The following MAP3K13 variants were observed in gnomAD, a reference collection of about 807,000 sequenced individuals.
MAP3K13 encodes mitogen-activated protein kinase kinase kinase 13.
Under a neutral mutation model 104.0 loss-of-function variants are expected in MAP3K13, and 52 were observed. The observed-to-expected ratio is 0.50, with a 90% confidence interval of 0.40 to 0.63. The LOEUF (loss-of-function observed/expected upper bound fraction) is 0.63. Among genes scored for constraint, MAP3K13 ranks in the 20% least tolerant of loss-of-function variants. MAP3K13 has a pLI of 0.00. For missense variants in MAP3K13, 914 were observed against 1,218.5 expected, an observed-to-expected ratio of 0.75 and a Z score of 3.72; for synonymous variants, 394 against 442.2, an observed-to-expected ratio of 0.89 and a Z score of 1.37.
intron 2 of MAP3K13, among the ~76,000 whole-genome samples, chr3:185,432,024 C>G (rs1181916962): frequency 6.6e-6 from 1 of 152,106 alleles, no homozygotes; most frequent in Non-Finnish European, 1.5e-5. Flanking sequence ...CCTCCACCCC[C>G]TGGCCCCCAT....
chr3:185,460,737 C>T (rs892638838), intron 7 of MAP3K13, among the ~76,000 whole-genome samples: 1 of 152,196 alleles, frequency 6.6e-6, no homozygotes, highest in Non-Finnish European at 1.5e-5. Flanking sequence ...TTTTCCCATA[C>T]GTCCTTTTTT....
chr3:185,437,694 A>C (rs2304815), intron 3 of MAP3K13, 64 bp downstream of exon 3: 241,010 of 1,429,188 alleles, frequency 0.17, 21,574 homozygotes, highest in South Asian at 0.25. Context: ...ATATACACAC[A>C]AGTTTCTGCT....
intron 2 of MAP3K13, among the ~76,000 whole-genome samples, chr3:185,293,798 C>T (rs962079539): frequency 1.3e-5 from 2 of 152,098 alleles, no homozygotes; most frequent in African/African-American, 4.8e-5. Context: ...GGAGACTCAG[C>T]ATTTTTTTTC....
chr3:185,417,573 T>G, intron 1 of MAP3K13: 1 of 1,609,898 alleles, frequency 6.2e-7, no homozygotes, highest in Non-Finnish European at 8.5e-7. Flanking sequence ...TCTTGGTAGC[T>G]GCTGCCTTTT....
intron 7 of MAP3K13, 185 bp downstream of exon 7, chr3:185,451,580 A>G (rs930255117): frequency 2.1e-6 from 1 of 475,344 alleles, no homozygotes; most frequent in African/African-American, 2.0e-5. Flanking sequence ...ACTTAACATT[A>G]TTATTAACTC....
intron 2 of MAP3K13, among the ~76,000 whole-genome samples, chr3:185,320,620 C>T (rs1047050243): frequency 6.6e-6 from 1 of 152,186 alleles, no homozygotes; most frequent in Non-Finnish European, 1.5e-5. Context: ...GACATTACCT[C>T]CACGGTTACC....
At chr3:185,372,655 C>A (rs1339012381) in intron 1 of MAP3K13, among the ~76,000 whole-genome samples, 1 of 152,072 alleles carries the variant, frequency 6.6e-6, no homozygotes, top group Non-Finnish European at 1.5e-5. Context: ...CCTTTGATAC[C>A]AGATTTTGTT....
rs527308791 is a variant in MAP3K13, at chr3:185,443,200, A to G, written c.660-245A>G. Among the ~76,000 whole-genome samples, 4 of 152,292 alleles carry G rather than the reference A, an allele frequency of 2.6e-5. No homozygotes were observed. The East Asian group carries it at 7.7e-4, about 29-fold the overall frequency. ...AATGGAAGGGTCCCACAGAAAAGGC[A>G]CCAGACACAGCACAGCATATAGATA... On this transcript the variant is annotated intron_variant, in intron 3 of 13. Coordinates refer to ENST00000265026, the MANE Select transcript of MAP3K13 (RefSeq NM_004721.5).
rs1226071223 is a variant in MAP3K13 at position 185,454,441 on chromosome 3, GATAT to G, written c.1278+3053_1278+3056del. Among the ~76,000 whole-genome samples the G allele has an allele frequency of 1.2e-4, 7 of 58,598 alleles. 1 individual carries two copies. The highest frequency in any genetic ancestry group is 4.3e-4 in the African/African-American group (7 of 16,422). 38.4% of individuals were successfully genotyped at this position (58,598 alleles called of 152,430 possible). A position where few individuals can be genotyped will look rare whatever the true frequency, so the allele number is the denominator to read the frequency against. On this transcript the variant is annotated intron_variant, in intron 7 of 13. Coordinates refer to ENST00000265026, the MANE Select transcript of MAP3K13 (RefSeq NM_004721.5). The stretch of plus-strand genomic sequence containing the variant: ...TATGAGATATATATGATATATATGA[GATAT>G]ATATATGAGATATATATGATATATA...
chr3:185,479,902 A>G (rs1187120146), intron 12 of MAP3K13, among the ~76,000 whole-genome samples: 2 of 152,142 alleles, frequency 1.3e-5, no homozygotes, highest in Non-Finnish European at 2.9e-5. Flanking sequence ...GAATGGAGAG[A>G]ATCTCTTCCT....
In MAP3K13 at chr3:185,431,204, C is replaced by T. The variant is rs1266203448; in HGVS notation, c.475+2148C>T. Among the ~76,000 whole-genome samples the T allele has an allele frequency of 2.6e-5, 4 of 152,280 alleles. No individual in the cohort carries two copies. The East Asian group carries it at 5.8e-4, about 22-fold the overall frequency. ...ATTCGAGATGAGATTTGGGTGGGAA[C>T]ACAGAGCCAAACTATATCACATATT... On this transcript the variant is annotated intron_variant, in intron 2 of 13. Coordinates refer to ENST00000265026, the MANE Select transcript of MAP3K13 (RefSeq NM_004721.5).
chr3:185,289,341 CT>C (rs1170388960), intron 2 of MAP3K13, among the ~76,000 whole-genome samples: 2 of 151,980 alleles, frequency 1.3e-5, no homozygotes, highest in Non-Finnish European at 2.9e-5. Context: ...ATCCTAAAAA[CT>C]TTTTTATAGT....
At chr3:185,299,190 G>A (rs189893306) in intron 2 of MAP3K13, among the ~76,000 whole-genome samples, 22 of 152,322 alleles carry the variant, frequency 1.4e-4, no homozygotes, top group African/African-American at 5.1e-4. Flanking sequence ...CAGATGAACT[G>A]AAATTCCAAA....
At chr3:185,364,844 ATAACATT>A (rs1477182197) in intron 1 of MAP3K13, among the ~76,000 whole-genome samples, 1 of 152,216 alleles carries the variant, frequency 6.6e-6, no homozygotes, top group Non-Finnish European at 1.5e-5. Context: ...AACAAATGAG[ATAACATT>A]TTAGACATAA....
chr3:185,334,313 T>A (rs1353683815), intron 2 of MAP3K13, among the ~76,000 whole-genome samples: 1 of 152,198 alleles, frequency 6.6e-6, no homozygotes, highest in Non-Finnish European at 1.5e-5. Flanking sequence ...TGACAAGCTA[T>A]TTCTAAATTT....
chr3:185,418,920 A>C lies in MAP3K13; in HGVS notation c.-85-9577A>C, dbSNP rs1713963815. On this transcript the variant is annotated intron_variant, in intron 1 of 13. Coordinates refer to ENST00000265026, the MANE Select transcript of MAP3K13 (RefSeq NM_004721.5). The surrounding 1 kb of genome is among the most constrained non-coding windows in gnomAD (Gnocchi z 4.5). ...TTTTCTAGAATCAAATGTGAATCTC[A>C]TTAGTAGAAAAGGTAAAAACAAAAT... is the stretch of plus-strand genomic sequence containing the variant. 7 of 929,744 alleles carry C rather than the reference A, an allele frequency of 7.5e-6. No homozygotes were observed. The highest frequency in any genetic ancestry group is 3.3e-5 in the African/African-American group (2 of 60,122). 57.6% of individuals were successfully genotyped at this position (929,744 alleles called of 1,614,324 possible). A position where few individuals can be genotyped will look rare whatever the true frequency, so the allele number is the denominator to read the frequency against.
chr3:185,300,896 C>T (rs543476947), intron 2 of MAP3K13, among the ~76,000 whole-genome samples: 53 of 152,310 alleles, frequency 3.5e-4, no homozygotes, highest in African/African-American at 1.2e-3. Context: ...GTGACCAATA[C>T]TGCAATGAAC....
At chr3:185,285,252 G>A (rs922069711) in intron 1 of MAP3K13, 4 of 171,330 alleles carry the variant, frequency 2.3e-5, no homozygotes, top group Non-Finnish European at 5.0e-5. Context: ...TACTGTTACC[G>A]TGGTGCCACC....
Position 185,428,719 on chromosome 3 carries a change from G to A in MAP3K13, c.138G>A (p.Gln46=), listed in dbSNP as rs750103524. 3.1e-6 allele frequency: 5 copies of A among 1,614,204 alleles called. No homozygotes were observed. In the South Asian group the frequency reaches 4.4e-5, roughly 14 times the overall value. Residue 46 remains glutamine, a synonymous_variant, in exon 2 of 14, where the codon CAG becomes CAA. Transcript: ENST00000265026. The stretch of plus-strand genomic sequence containing the variant: ...CTTCTCCCAAGCTGCTCGAGGACCA[G>A]CAGGAAAAGGGGATGGTACGAACAG... ...NHPSPKLLED[Q]QEKGMVRTEL... is the part of the protein sequence containing the mutation.
Sources: allele counts gnomAD v4.1 joint callset (sites outside exome capture counted in the v4.1 genomes callset), GRCh38; gene constraint gnomAD v4.1.1; non-coding constraint Gnocchi (gnomAD v3.1); transcripts MANE v1.5; gene names NCBI Gene and HGNC (gene_info 2026-07-23, HGNC 2026-07-21).